SLC5A5: variants seen among roughly 807,000 people sequenced by gnomAD.
The protein encoded by SLC5A5 is sodium/iodide cotransporter.
In SLC5A5, 56 loss-of-function variants were observed where a neutral mutation model predicts 68.6. The observed-to-expected ratio is 0.82, with a 90% CI of 0.66 to 1.02. The LOEUF (loss-of-function observed/expected upper bound fraction) is 1.02, where lower values mean the gene tolerates loss of function less well. SLC5A5 is among the 50% of genes least tolerant of loss of function. The pLI, the probability that SLC5A5 is intolerant of heterozygous loss-of-function variation, is 0.00. For synonymous variants in SLC5A5, 398 were observed against 373.0 expected, an observed-to-expected ratio of 1.07 and a Z score of -0.77; for missense variants, 807 against 859.8, an observed-to-expected ratio of 0.94 and a Z score of 0.77.
Position 17,893,701 on chromosome 19 carries a change from A to G in SLC5A5, c.1768-12A>G. 6.2e-7 allele frequency: 1 copy of G among 1,613,088 alleles called. No homozygotes were observed. The highest frequency in any genetic ancestry group is 8.5e-7 in the Non-Finnish European group (1 of 1,179,670). ...GTCTCTGATGGGGTCTCTTTTTCCC[A>G]CTTTTCCCCAGGGTCCTGAAGAACT... is the stretch of plus-strand genomic sequence containing the variant. On this transcript the variant is annotated splice_polypyrimidine_tract_variant and intron_variant, in intron 14 of 14. Transcript: ENST00000222248.
intron 11 of SLC5A5, 41 bp from the exon 12 acceptor site, chr19:17,883,809 G>A (rs895588807): frequency 1.2e-6 from 2 of 1,606,666 alleles, no homozygotes; most frequent in Non-Finnish European, 1.7e-6. Flanking sequence ...GGCGGGGCCG[G>A]ACAGGCCCCT....
chr19:17,882,413 G>A (rs2094322808), intron 10 of SLC5A5, among the ~76,000 whole-genome samples, 194 bp downstream of exon 10: 2 of 151,226 alleles, frequency 1.3e-5, no homozygotes, highest in South Asian at 2.1e-4. Flanking sequence ...ATAGCTCACT[G>A]CAACCTCCAG....
chr19:17,875,846 T>G, intron 4 of SLC5A5, 106 bp from the exon 5 acceptor site: 1 of 956,294 alleles, frequency 1.0e-6, no homozygotes, highest in South Asian at 1.3e-5. Flanking sequence ...AATCCCACTT[T>G]AGAGAGGAGG....
At chr19:17,882,915 C>T (rs1202539528) in intron 10 of SLC5A5, among the ~76,000 whole-genome samples, 2 of 152,102 alleles carry the variant, frequency 1.3e-5, no homozygotes, top group Non-Finnish European at 2.9e-5. Flanking sequence ...GATCTCCTGA[C>T]CTCGTGATCC....
At chr19:17,889,756 A>AT (rs1316427031) in intron 13 of SLC5A5, among the ~76,000 whole-genome samples, 1 of 152,210 alleles carries the variant, frequency 6.6e-6, no homozygotes, top group Non-Finnish European at 1.5e-5. Flanking sequence ...CCCCAACAAG[A>AT]TTAAGTCCTC....
In SLC5A5 at chr19:17,872,158, C is replaced by T. The variant is rs918270054; in HGVS notation, c.-162C>T. ...GCCCATAGATTCCTAACCCAGGGAG[C>T]CCCGGCCCCTCTCGCCGCTTCCCAC... On this transcript the variant is annotated 5_prime_UTR_variant, in exon 1 of 15. Coordinates refer to ENST00000222248, the MANE Select transcript of SLC5A5 (RefSeq NM_000453.3). 38 of 608,126 alleles carry T rather than the reference C, an allele frequency of 6.2e-5. No individual in the cohort carries two copies. In the African/African-American group the frequency reaches 6.9e-4, roughly 11 times the overall value. 37.7% of individuals were successfully genotyped at this position (608,126 alleles called of 1,614,324 possible). A position where few individuals can be genotyped will look rare whatever the true frequency, so the allele number is the denominator to read the frequency against.
intron 13 of SLC5A5, among the ~76,000 whole-genome samples, chr19:17,889,767 A>G (rs2030092276): frequency 6.6e-6 from 1 of 152,230 alleles, no homozygotes; most frequent in East Asian, 1.9e-4. Context: ...TTAAGTCCTC[A>G]GTAGAGGATA....
Position 17,874,672 on chromosome 19 carries a change from C to T in SLC5A5, c.484C>T (p.Leu162=), listed in dbSNP as rs1169078723. 1 of 1,614,074 alleles carries T rather than the reference C, an allele frequency of 6.2e-7. No homozygotes were observed. Among genetic ancestry groups the T allele is most frequent in the African/African-American group, 1.3e-5 (1 of 74,926 alleles). The change falls in exon 4 of 15, where the codon CTG becomes TTG. Residue 162 remains leucine, a synonymous_variant. Transcript: ENST00000222248. ...GACCTCTTTTTGCATAGTGACCGGGCTGGACATCTGGGCGTCGCTCCTGTC... is the reference window on the plus strand; with the variant it reads ...GACCTCTTTTTGCATAGTGACCGGGTTGGACATCTGGGCGTCGCTCCTGTC... ...PALILNQVTG[L]DIWASLLSTG...
chr19:17,892,683 A>AGG (rs1259332338), intron 14 of SLC5A5, among the ~76,000 whole-genome samples: 1 of 151,262 alleles, frequency 6.6e-6, no homozygotes, highest in Non-Finnish European at 1.5e-5. Flanking sequence ...AGAGAGAGAG[A>AGG]GAGAGAGAGA....
At chr19:17,876,426 CA>C (rs60457185) in intron 5 of SLC5A5, among the ~76,000 whole-genome samples, 236 of 87,390 alleles carry the variant, frequency 2.7e-3, no homozygotes, top group Middle Eastern at 0.017. Context: ...GACCCTGTCT[CA>C]AAAAAAAAAA....
chr19:17,875,802 T>A, intron 4 of SLC5A5, 150 bp from the exon 5 acceptor site: 1 of 742,546 alleles, frequency 1.3e-6, no homozygotes, highest in Non-Finnish European at 2.3e-6. Flanking sequence ...CTAACTTAAT[T>A]CTTACAACAA....
chr19:17,880,925 C>T lies in SLC5A5; in HGVS notation c.1030C>T (p.Leu344=), dbSNP rs768321368. Residue 344 remains leucine (L), a synonymous_variant, in exon 8 of 15, where the codon CTG becomes TTG. Transcript: ENST00000222248. ...EDLPGVPGLF[L]ACAYSGTLST... is the part of the protein sequence containing the mutation. ...TCTGCCTGGAGTCCCCGGGCTTTTCCTGGCCTGTGCTTACAGTGGCACCCT... is the reference window on the plus strand; with the variant it reads ...TCTGCCTGGAGTCCCCGGGCTTTTCTTGGCCTGTGCTTACAGTGGCACCCT... 17 of 1,614,024 alleles carry T rather than the reference C, an allele frequency of 1.1e-5. No homozygotes were observed. Among genetic ancestry groups the T allele is most frequent in the Non-Finnish European group, 1.4e-5 (16 of 1,179,940 alleles).
intron 6 of SLC5A5, 24 bp downstream of exon 6, chr19:17,877,887 C>G (rs753329237): frequency 1.4e-5 from 23 of 1,613,844 alleles, no homozygotes; most frequent in Non-Finnish European, 1.9e-5. Context: ...GGAGCAAGGT[C>G]GGGGTTTCTG....
rs960688585 is a variant in SLC5A5 at position 17,888,253 on chromosome 19, G to C, written c.1527-78G>C. On this transcript the variant is annotated intron_variant, in intron 12 of 14. Coordinates refer to ENST00000222248, the MANE Select transcript of SLC5A5 (RefSeq NM_000453.3). ...CATGGCAGTTGGGGGAAGGAAGCAG[G>C]GGGTGAGGTTGGAACAGCTTTTGAG... 1.9e-5 allele frequency: 30 copies of C among 1,566,924 alleles called. 1 individual carries two copies. The highest frequency in any genetic ancestry group is 1.6e-4 in the East Asian group (7 of 44,456).
chr19:17,893,616 C>T (rs548677682), intron 14 of SLC5A5, 97 bp from the exon 15 acceptor site: 342 of 1,260,666 alleles, frequency 2.7e-4, no homozygotes, highest in Non-Finnish European at 2.7e-5. Flanking sequence ...CGCCCCGTCC[C>T]GCCAGGTCAT....
chr19:17,883,870 C>T lies in SLC5A5; in HGVS notation c.1350C>T (p.Gly450=), dbSNP rs773809703. ...CCCAGGGCGTCCTCGCGGGACTAGGCGCGGGCTTGGCGCTGTCGCTGTGGG... is the reference window on the plus strand; with the variant it reads ...CCCAGGGCGTCCTCGCGGGACTAGGTGCGGGCTTGGCGCTGTCGCTGTGGG... ...CNTPGVLAGL[G]AGLALSLWVA... is the part of the protein sequence containing the mutation. Residue 450 remains glycine (G), a synonymous_variant, in exon 12 of 15, where the codon GGC becomes GGT. Coordinates refer to ENST00000222248, the MANE Select transcript of SLC5A5 (RefSeq NM_000453.3). 1 of 1,586,726 alleles carries T rather than the reference C, an allele frequency of 6.3e-7. No individual in the cohort carries two copies. Among genetic ancestry groups the T allele is most frequent in the South Asian group, 1.1e-5 (1 of 88,600 alleles).
At chr19:17,874,086 C>A in intron 1 of SLC5A5, 52 bp from the exon 2 acceptor site, 1 of 1,285,864 alleles carries the variant, frequency 7.8e-7, no homozygotes. Context: ...ACCCGAGAGG[C>A]CTCGGCTCCT....
At chr19:17,873,692 G>T (rs2094299728) in intron 1 of SLC5A5, among the ~76,000 whole-genome samples, 1 of 152,128 alleles carries the variant, frequency 6.6e-6, no homozygotes, top group African/African-American at 2.4e-5. Context: ...GGAGGCGGAG[G>T]TTGCAGTGAG....
In SLC5A5 at chr19:17,874,239, C is replaced by G. The variant is rs376213747; in HGVS notation, c.423+36C>G. The stretch of plus-strand genomic sequence containing the variant: ...TCGGCCCCGCCCTCCGCTCAGGGCC[C>G]CGAGAGCGTCAGCCTTCACTAGCCC... On this transcript the variant is annotated intron_variant, in intron 2 of 14. Transcript: ENST00000222248. The G allele has an allele frequency of 4.8e-6, 7 of 1,471,806 alleles. No homozygotes were observed. The African/African-American group carries it at 6.9e-5, about 15-fold the overall frequency. The allele number at this position is 1,471,806 out of a possible 1,614,324, so 91.2% of individuals were successfully genotyped here.
Sources: gnomAD v4.1 joint callset for allele counts (sites outside exome capture counted in the v4.1 genomes callset) on GRCh38, gnomAD v4.1.1 for gene constraint, MANE v1.5 for transcripts, NCBI Gene and HGNC (gene_info 2026-07-23, HGNC 2026-07-21) for gene names.